The following PLCB1 variants were observed in gnomAD, a reference collection of about 807,000 sequenced individuals.
The protein encoded by PLCB1 is phospholipase C beta 1.
In PLCB1, 46 loss-of-function variants were observed where a neutral mutation model predicts 161.8. The ratio of observed to expected loss-of-function variants is 0.28; its 90% CI spans 0.22 to 0.36. The LOEUF is 0.36. Ranked by LOEUF, PLCB1 falls within the 10% of genes least tolerant of loss-of-function variation. The probability of loss-of-function intolerance (pLI) is 1.00; values close to 1 mark genes in which losing one functional copy is unlikely to be tolerated. For synonymous variants in PLCB1, 517 were observed against 503.7 expected (o/e 1.03, Z -0.35); for missense variants, 1,016 against 1,472.5 (o/e 0.69, Z 5.07).
intron 31 of PLCB1, among the ~76,000 whole-genome samples, chr20:8,874,052 G>A (rs1177966666): frequency 6.6e-6 from 1 of 151,884 alleles, no homozygotes. Context: ...ATTGCTAAGC[G>A]ATTAAATTTC....
chr20:8,275,787 G>A (rs6039118), intron 2 of PLCB1, among the ~76,000 whole-genome samples: 7 of 152,268 alleles, frequency 4.6e-5, no homozygotes, highest in African/African-American at 1.4e-4. Context: ...CCCTGTGGGG[G>A]AGCTGTCTAG....
intron 31 of PLCB1, among the ~76,000 whole-genome samples, chr20:8,837,314 A>G (rs746117806): frequency 6.6e-6 from 1 of 152,218 alleles, no homozygotes; most frequent in Non-Finnish European, 1.5e-5. Context: ...GATTTATGCT[A>G]TACTCCAAAT....
intron 3 of PLCB1, among the ~76,000 whole-genome samples, chr20:8,547,534 C>T (rs1276108311): frequency 1.3e-5 from 2 of 148,866 alleles, no homozygotes; most frequent in Non-Finnish European, 3.0e-5. Flanking sequence ...CCTCCCTCTT[C>T]CTCATTGCCC....
At chr20:8,753,320 C>T (rs749683333) in intron 23 of PLCB1, among the ~76,000 whole-genome samples, 1 of 152,088 alleles carries the variant, frequency 6.6e-6, no homozygotes, top group Non-Finnish European at 1.5e-5. Flanking sequence ...CAATAACCTC[C>T]TCTCCCCCTG....
intron 15 of PLCB1, among the ~76,000 whole-genome samples, chr20:8,722,692 A>T (rs1979714819): frequency 6.6e-6 from 1 of 152,166 alleles, no homozygotes. Context: ...AAACTTAGGC[A>T]TCCCGAGTAA....
intron 3 of PLCB1, among the ~76,000 whole-genome samples, chr20:8,489,207 A>G (rs1248567792): frequency 2.0e-5 from 3 of 152,176 alleles, no homozygotes; most frequent in Non-Finnish European, 4.4e-5. Flanking sequence ...GGGCAAGCAC[A>G]GACTTGTAAA....
In PLCB1 at chr20:8,708,654, G is replaced by T. The variant is rs369578844; in HGVS notation, c.1168-16G>T. ...AAATTCTGGCATACTGAATATACAT[G>T]TGTTCTCATTTTTAGGAAGTGATAG... On this transcript the variant is annotated splice_polypyrimidine_tract_variant and intron_variant, in intron 11 of 31. Coordinates refer to ENST00000338037, the MANE Select transcript of PLCB1 (RefSeq NM_015192.4). The T allele has an allele frequency of 4.5e-6, 7 of 1,545,852 alleles. No homozygotes were observed. Among genetic ancestry groups the T allele is most frequent in the Non-Finnish European group, 4.5e-6 (5 of 1,118,266 alleles).
chr20:8,772,541 T>TG (rs1474437375), intron 26 of PLCB1, among the ~76,000 whole-genome samples: 1 of 152,102 alleles, frequency 6.6e-6, no homozygotes, highest in Non-Finnish European at 1.5e-5. Context: ...GCCCGGCATA[T>TG]GGGGGGATGG....
chr20:8,724,060 G>A (rs917049687), intron 15 of PLCB1, among the ~76,000 whole-genome samples: 3 of 151,824 alleles, frequency 2.0e-5, no homozygotes, highest in African/African-American at 7.3e-5. Context: ...GGGCCTACCT[G>A]CGGGTGGAGG....
At chr20:8,722,526 G>A (rs1979704823) in intron 15 of PLCB1, 105 bp downstream of exon 15, 3 of 682,616 alleles carry the variant, frequency 4.4e-6, no homozygotes, top group Non-Finnish European at 2.3e-6. Flanking sequence ...AAGTAGATTT[G>A]TGCCTTCCAA....
intron 2 of PLCB1, among the ~76,000 whole-genome samples, chr20:8,366,919 A>G (rs935706348): frequency 1.3e-5 from 2 of 152,182 alleles, no homozygotes; most frequent in Non-Finnish European, 2.9e-5. Flanking sequence ...TCTTTATTCC[A>G]CTTTTCTAAA....
intron 2 of PLCB1, among the ~76,000 whole-genome samples, chr20:8,178,505 T>C (rs2051806414): frequency 6.6e-6 from 1 of 152,212 alleles, no homozygotes; most frequent in Non-Finnish European, 1.5e-5. Flanking sequence ...TGCTTTTTCT[T>C]GTTAATTTAA....
intron 31 of PLCB1, among the ~76,000 whole-genome samples, chr20:8,796,779 C>T (rs569027447): frequency 1.1e-4 from 17 of 152,320 alleles, no homozygotes; most frequent in African/African-American, 3.6e-4. Context: ...ACTGGTCCCT[C>T]ATCAGTTTAT....
chr20:8,523,514 A>G (rs1453100601), intron 3 of PLCB1, among the ~76,000 whole-genome samples: 2 of 119,120 alleles, frequency 1.7e-5, no homozygotes, highest in South Asian at 4.9e-4. Flanking sequence ...ATATATATAT[A>G]TATATATGGA....
At chr20:8,739,895 T>C (rs1023890471) in intron 21 of PLCB1, among the ~76,000 whole-genome samples, 16 of 152,244 alleles carry the variant, frequency 1.1e-4, no homozygotes, top group Admixed American at 3.3e-4. Flanking sequence ...CTGGGCATGG[T>C]GGCTCACGCC....
intron 3 of PLCB1, among the ~76,000 whole-genome samples, chr20:8,434,500 G>A (rs1600397842): frequency 6.6e-6 from 1 of 152,168 alleles, no homozygotes; most frequent in East Asian, 1.9e-4. Context: ...CAGATTAGAT[G>A]TCCAATTAGT....
chr20:8,696,190 T>G (rs1391200375), intron 10 of PLCB1, among the ~76,000 whole-genome samples: 2 of 152,228 alleles, frequency 1.3e-5, no homozygotes, highest in Non-Finnish European at 2.9e-5. Flanking sequence ...TGGTATGAGG[T>G]AAGGATCCAA....
At position 8,881,630 on chromosome 20, in the gene PLCB1, G is replaced by T. The variant is rs756201478; in HGVS notation, c.3432G>T (p.Val1144=). 5.6e-6 allele frequency: 9 copies of T among 1,613,114 alleles called. No homozygotes were observed. In the South Asian group the frequency reaches 9.9e-5, roughly 18 times the overall value. The change falls in exon 32 of 32, where the codon GTG becomes GTT. Residue 1144 remains valine, a synonymous_variant. Coordinates refer to ENST00000338037, the MANE Select transcript of PLCB1 (RefSeq NM_015192.4). The stretch of plus-strand genomic sequence containing the variant: ...CTCTTGATGTCTCTCAGCTGCAGGT[G>T]GAGCTGGAGCAAGAATACCAAGACA... ...QILDEKPKLQ[V]ELEQEYQDKF... is the part of the protein sequence containing the mutation.
intron 3 of PLCB1, among the ~76,000 whole-genome samples, chr20:8,609,573 A>T (rs1455956281): frequency 2.0e-5 from 3 of 152,214 alleles, no homozygotes; most frequent in African/African-American, 7.2e-5. Context: ...AGGCCAAGAA[A>T]ACTTGAGCAT....
Sources: gnomAD v4.1 joint callset for allele counts (sites outside exome capture counted in the v4.1 genomes callset) on GRCh38, gnomAD v4.1.1 for gene constraint, MANE v1.5 for transcripts, NCBI Gene and HGNC (gene_info 2026-07-23, HGNC 2026-07-21) for gene names.